Variants in FLNC observed in about 807,000 individuals in gnomAD.
The protein encoded by FLNC is filamin-C.
Under a neutral mutation model 254.3 loss-of-function variants are expected in FLNC, and 91 were observed. The observed-to-expected ratio is 0.36, with a 90% confidence interval of 0.30 to 0.43. The LOEUF (loss-of-function observed/expected upper bound fraction) is 0.43. Ranked by LOEUF, FLNC falls within the 20% of genes least tolerant of loss-of-function variation. The pLI is 1.00. For synonymous variants in FLNC, 1,430 were observed against 1,577.2 expected (o/e 0.91, Z 2.21); for missense variants, 2,853 against 3,802.6 (o/e 0.75, Z 6.57).
intron 30 of FLNC, 118 bp from the exon 31 acceptor site, chr7:128,849,858 C>G: frequency 2.4e-6 from 2 of 838,038 alleles, no homozygotes; most frequent in Non-Finnish European, 3.9e-6. Context: ...GGCTGCCCTG[C>G]AGGAGGATGA....
intron 23 of FLNC, 132 bp from the exon 24 acceptor site, chr7:128,846,613 C>G (rs1808579933): frequency 7.4e-7 from 1 of 1,342,642 alleles, no homozygotes; most frequent in African/African-American, 1.4e-5. Context: ...CCCAGATTGG[C>G]CCCTGTAGCT....
In FLNC at chr7:128,850,000, G is replaced by T; in HGVS notation, c.5224G>T (p.Glu1742Ter). ...GGCGTGTGACCCCCTGCCGCACGAG[G>T]AGGAGCCCTCTGAAGTGCCACAGCT... is the stretch of plus-strand genomic sequence containing the variant. The part of the protein sequence containing the change: ...VLACDPLPHE[E>*]EPSEVPQLRQ... Residue 1742 changes from glutamate (E) to a stop codon, truncating the protein, a stop_gained, in exon 31 of 48, where the codon GAG becomes TAG. Transcript: ENST00000325888. LOFTEE classifies it high-confidence loss of function. The T allele has an allele frequency of 6.3e-7, 1 of 1,584,278 alleles. No homozygotes were observed. The highest frequency in any genetic ancestry group is 2.3e-5 in the East Asian group (1 of 43,888).
At chr7:128,843,135 G>A in intron 16 of FLNC, 94 bp from the exon 17 acceptor site, 17 of 1,409,326 alleles carry the variant, frequency 1.2e-5, no homozygotes, top group Non-Finnish European at 1.6e-5. Flanking sequence ...CCCTGTCCAT[G>A]CTGGGTCCCC....
chr7:128,840,240 A>T, intron 9 of FLNC, 80 bp downstream of exon 9: 2 of 1,553,252 alleles, frequency 1.3e-6, no homozygotes, highest in South Asian at 2.2e-5. Context: ...TGACTCCCAG[A>T]GGGCAGTGAC....
At position 128,856,529 on chromosome 7, in the gene FLNC, C is replaced by A; in HGVS notation, c.7263C>A (p.Leu2421=). 1 of 1,612,540 alleles carries A rather than the reference C, an allele frequency of 6.2e-7. No individual in the cohort carries two copies. ...LTVTSLQETG[L]KVNQPASFAV... ...CGTGGCCTTTGCAGGAGACGGGGCT[C>A]AAGGTGAACCAGCCAGCGTCCTTTG... is the stretch of plus-strand genomic sequence containing the variant. The change falls in exon 44 of 48, where the codon CTC becomes CTA. Residue 2421 remains leucine, a synonymous_variant. Coordinates refer to ENST00000325888, the MANE Select transcript of FLNC (RefSeq NM_001458.5). This position sits in a 1 kb window ranked among gnomAD's most constrained non-coding sequence, Gnocchi z 5.9.
Position 128,830,891 on chromosome 7 carries a change from A to G in FLNC, c.254A>G (p.Lys85Arg), listed in dbSNP as rs749390205. The G allele has an allele frequency of 1.2e-6, 2 of 1,613,124 alleles. No homozygotes were observed. Among genetic ancestry groups the G allele is most frequent in the Non-Finnish European group, 1.7e-6 (2 of 1,179,924 alleles). ...CTCAGCCAGAAGCGCATGTACCGCA[A>G]GTTCCATCCGCGCCCCAACTTCCGC... is the stretch of plus-strand genomic sequence containing the variant. ...EVLSQKRMYR[K>R]FHPRPNFRQM... The change falls in exon 1 of 48, where the codon AAG becomes AGG. Residue 85 changes from lysine to arginine, a missense_variant. This residue lies in a region of FLNC where 59 missense variants were observed against 59.8 expected (regional missense o/e 0.99). Coordinates refer to ENST00000325888, the MANE Select transcript of FLNC (RefSeq NM_001458.5).
intron 6 of FLNC, 55 bp from the exon 7 acceptor site, chr7:128,838,212 C>T (rs947030310): frequency 6.3e-7 from 1 of 1,578,572 alleles, no homozygotes; most frequent in South Asian, 1.1e-5. Context: ...TGCCCCTCTG[C>T]CCCCTCTCAG....
chr7:128,851,134 A>C, intron 33 of FLNC, 98 bp from the exon 34 acceptor site: 3 of 1,590,438 alleles, frequency 1.9e-6, no homozygotes, highest in Non-Finnish European at 2.6e-6. Flanking sequence ...GCACAGACGG[A>C]GGGGGTTGGC....
chr7:128,831,710 C>T (rs1447713252), intron 1 of FLNC, among the ~76,000 whole-genome samples: 1 of 152,026 alleles, frequency 6.6e-6, no homozygotes, highest in Non-Finnish European at 1.5e-5. Flanking sequence ...GCGGGATTGG[C>T]TGCAGCTAAC....
Position 128,837,742 on chromosome 7 carries a change from G to A in FLNC, c.956G>A (p.Gly319Asp), listed in dbSNP as rs2128934256. The A allele has an allele frequency of 1.3e-6, 2 of 1,581,988 alleles. No homozygotes were observed. Among genetic ancestry groups the A allele is most frequent in the East Asian group, 2.3e-5 (1 of 42,876 alleles). ...CTGGTCTACATCGAGGACCCTGAAGGCCACACCGAGGAGGTATGCAGAGGC... is the reference window on the plus strand; with the variant it reads ...CTGGTCTACATCGAGGACCCTGAAGACCACACCGAGGAGGTATGCAGAGGC... ...EVLVYIEDPEGHTEEAKVVPN... is the reference protein window; with the variant it reads ...EVLVYIEDPEDHTEEAKVVPN... Residue 319 changes from glycine to aspartate, a missense_variant, in exon 5 of 48, where the codon GGC becomes GAC. This residue lies in a region of FLNC where 1,573 missense variants were observed against 1,883.5 expected (regional missense o/e 0.84). Transcript: ENST00000325888.
At position 128,836,037 on chromosome 7, in the gene FLNC, C is replaced by T. The variant is rs541040278; in HGVS notation, c.601+463C>T. Among the ~76,000 whole-genome samples, 1 of 152,222 alleles carries T rather than the reference C, an allele frequency of 6.6e-6. No individual in the cohort carries two copies. Among genetic ancestry groups the T allele is most frequent in the African/African-American group, 2.4e-5 (1 of 41,522 alleles). ...CAGAGAAGGCTCTTCTCTGGGAGACCCTGGGATGACTTTGAGAAGGGGTTG... is the reference window on the plus strand; with the variant it reads ...CAGAGAAGGCTCTTCTCTGGGAGACTCTGGGATGACTTTGAGAAGGGGTTG... On this transcript the variant is annotated intron_variant, in intron 2 of 47. Transcript: ENST00000325888. The surrounding 1 kb of genome is among the most constrained non-coding windows in gnomAD (Gnocchi z 6.0).
At chr7:128,845,614 G>A (rs1045799294) in intron 21 of FLNC, among the ~76,000 whole-genome samples, 3 of 152,166 alleles carry the variant, frequency 2.0e-5, no homozygotes, top group Non-Finnish European at 4.4e-5. Context: ...AGAGTCAGAA[G>A]ACAGTAAGTG....
chr7:128,840,302 C>G (rs1351129699), intron 9 of FLNC, 142 bp downstream of exon 9: 1 of 1,079,500 alleles, frequency 9.3e-7, no homozygotes, highest in Non-Finnish European at 1.4e-6. Flanking sequence ...ATCTCAGGCT[C>G]ATTGTCTCCT....
At chr7:128,853,884 T>G in intron 39 of FLNC, 47 bp downstream of exon 39, 1 of 1,613,068 alleles carries the variant, frequency 6.2e-7, no homozygotes, top group South Asian at 1.1e-5. Flanking sequence ...GGGAGAGGGC[T>G]GGCCCGGGCC....
rs199880128 is a variant in FLNC, at chr7:128,855,248, C to T, written c.7185C>T (p.Ser2395=). 1,077 of 1,613,912 alleles carry T rather than the reference C, an allele frequency of 6.7e-4. 2 individuals are homozygous for T. The highest frequency in any genetic ancestry group is 7.9e-4 in the Non-Finnish European group (927 of 1,179,862). The part of the protein sequence containing the change: ...IKFNDEHIPD[S]PFVVPVASLS... ...TCAATGATGAGCACATCCCAGACAG[C>T]CCCTTTGTGGTGCCTGTGGCCTCCC... Residue 2395 remains serine, a synonymous_variant, in exon 43 of 48, where the codon AGC becomes AGT. Coordinates refer to ENST00000325888, the MANE Select transcript of FLNC (RefSeq NM_001458.5).
Position 128,842,587 on chromosome 7 carries a change from G to T in FLNC, c.2278G>T (p.Glu760Ter). ...PKSPFRVNVG[E>*]GSHPERVKVY... is the part of the protein sequence containing the mutation. ...ACCCCTCCCGCAGGTGAACGTGGGC[G>T]AGGGCAGCCACCCCGAGCGGGTAAA... is the stretch of plus-strand genomic sequence containing the variant. Residue 760 changes from glutamate (E) to a stop codon, truncating the protein, a stop_gained, in exon 15 of 48, where the codon GAG becomes TAG. Transcript: ENST00000325888. LOFTEE classifies it high-confidence loss of function. The surrounding 1 kb of genome is among the most constrained non-coding windows in gnomAD (Gnocchi z 5.4). 2 of 1,549,460 alleles carry T rather than the reference G, an allele frequency of 1.3e-6. No individual in the cohort carries two copies. The highest frequency in any genetic ancestry group is 1.2e-5 in the South Asian group (1 of 84,106).
Position 128,850,269 on chromosome 7 carries a change from G to A in FLNC, c.5299-115G>A, listed in dbSNP as rs568015035. On this transcript the variant is annotated intron_variant, in intron 31 of 47. Transcript: ENST00000325888. ...GCAGCTGACGCACCTCTCCTGCCACGCTGGTTTCATGATTAACTACCTTGT... is the reference window on the plus strand; with the variant it reads ...GCAGCTGACGCACCTCTCCTGCCACACTGGTTTCATGATTAACTACCTTGT... 9.7e-5 allele frequency: 100 copies of A among 1,029,340 alleles called. No individual in the cohort carries two copies. The East Asian group carries it at 1.4e-3, about 14-fold the overall frequency. 63.8% of individuals were successfully genotyped at this position (1,029,340 alleles called of 1,614,324 possible).
chr7:128,846,673 C>T (rs1346960607), intron 23 of FLNC, 72 bp from the exon 24 acceptor site: 4 of 1,491,350 alleles, frequency 2.7e-6, no homozygotes, highest in African/African-American at 2.8e-5. Context: ...TCCTCCCTGT[C>T]CCCCCATTCA....
At position 128,848,699 on chromosome 7, in the gene FLNC, G is replaced by A. The variant is rs903778462; in HGVS notation, c.4719G>A (p.Leu1573=). Residue 1573 remains leucine, a synonymous_variant, in exon 27 of 48, where the codon TTG becomes TTA. Transcript: ENST00000325888. ...ACGCACGGGACGCGGGCGAGGGGTT[G>A]CTCACTGTCCAGATCTTGGTGAGTC... ...TIDARDAGEG[L]LTVQILDPEG... 1.9e-6 allele frequency: 3 copies of A among 1,613,478 alleles called. No individual in the cohort carries two copies. Among genetic ancestry groups the A allele is most frequent in the Non-Finnish European group, 2.5e-6 (3 of 1,180,026 alleles).
Sources: allele counts gnomAD v4.1 joint callset (sites outside exome capture counted in the v4.1 genomes callset), GRCh38; gene constraint gnomAD v4.1.1; regional missense constraint gnomAD v4.1.1; non-coding constraint Gnocchi (gnomAD v3.1); transcripts MANE v1.5; gene names NCBI Gene and HGNC (gene_info 2026-07-23, HGNC 2026-07-21).